Variants in FGF14 observed in about 807,000 individuals in gnomAD.
The protein encoded by FGF14 is fibroblast growth factor homologous factor 4.
In FGF14, 5 loss-of-function variants were observed where a neutral mutation model predicts 25.5. The ratio of observed to expected loss-of-function variants is 0.20; its 90% confidence interval spans 0.10 to 0.41. FGF14 has a LOEUF of 0.41. FGF14 is among the 10% of genes least tolerant of loss of function. The pLI is 1.00. For synonymous variants in FGF14, 138 were observed against 118.3 expected (o/e 1.17, Z -1.08); for missense variants, 222 against 320.1 (o/e 0.69, Z 2.34).
At chr13:101,961,841 A>G (rs1337105752) in intron 1 of FGF14, among the ~76,000 whole-genome samples, 1 of 152,210 alleles carries the variant, frequency 6.6e-6, no homozygotes, top group Admixed American at 6.5e-5. Context: ...CTGTGAGTCA[A>G]TTAAACCTCT....
intron 1 of FGF14, among the ~76,000 whole-genome samples, chr13:102,064,930 C>T (rs926947423): frequency 8.5e-5 from 13 of 152,050 alleles, no homozygotes; most frequent in African/African-American, 3.1e-4. Context: ...AAATCCCCCA[C>T]AGATACTGAG....
At chr13:101,876,284 T>G (rs564470318) in intron 1 of FGF14, among the ~76,000 whole-genome samples, 1 of 152,280 alleles carries the variant, frequency 6.6e-6, no homozygotes, top group African/African-American at 2.4e-5. Context: ...ATGTGGGACA[T>G]CATAATCTTC....
At chr13:102,214,027 C>T (rs1451206674) in intron 1 of FGF14, among the ~76,000 whole-genome samples, 1 of 152,180 alleles carries the variant, frequency 6.6e-6, no homozygotes, top group Non-Finnish European at 1.5e-5. Flanking sequence ...CAAGGTGGCC[C>T]CTCTCCTGAA....
rs112517362 is a variant in FGF14 at position 102,051,938 on chromosome 13, C to CT, written c.209-176643dup. On this transcript the variant is annotated intron_variant, in intron 1 of 4. Coordinates refer to the FGF14 transcript ENST00000376131. ...CAAAGAAATGGAGATATATTAAATG[C>CT]TTAAAAAAATTCACAATAATTGTTT... Among the ~76,000 whole-genome samples, 694 of 152,074 alleles carry CT rather than the reference C, an allele frequency of 4.6e-3. 8 individuals are homozygous for CT. The highest frequency in any genetic ancestry group is 0.016 in the African/African-American group (646 of 41,498).
rs148006557 is a variant in FGF14, at chr13:102,109,319, A to C, written c.209-234023T>G. 6.1e-3 allele frequency among the ~76,000 whole-genome samples: 924 copies of C among 152,314 alleles called. 21 individuals carry two copies. Among genetic ancestry groups the C allele is most frequent in the Admixed American group, 0.022 (335 of 15,294 alleles). On this transcript the variant is annotated intron_variant, in intron 1 of 4. Coordinates refer to the FGF14 transcript ENST00000376131. Reference sequence around the variant, plus strand: ...AAAGGATATGACATTTCAGGTAGACAGGAGGAATAAGTTCAACATATCCAT... The same window carrying C: ...AAAGGATATGACATTTCAGGTAGACCGGAGGAATAAGTTCAACATATCCAT...
At chr13:101,781,349 C>T (rs1250651429) in intron 3 of FGF14, among the ~76,000 whole-genome samples, 1 of 152,196 alleles carries the variant, frequency 6.6e-6, no homozygotes, top group Non-Finnish European at 1.5e-5. Flanking sequence ...CTCAGGAAGA[C>T]TGGATGTTGT....
At chr13:102,082,833 C>A in intron 1 of FGF14, among the ~76,000 whole-genome samples, 1 of 151,306 alleles carries the variant, frequency 6.6e-6, no homozygotes, top group South Asian at 2.1e-4. Flanking sequence ...TGGCGGGCGC[C>A]TGTAGTCCCA....
intron 3 of FGF14, among the ~76,000 whole-genome samples, chr13:101,852,381 C>A (rs1402374551): frequency 1.3e-5 from 2 of 152,112 alleles, no homozygotes; most frequent in Admixed American, 6.6e-5. Context: ...AAACAACCTT[C>A]TATACTGAAG....
At chr13:101,834,332 G>A (rs1274126740) in intron 3 of FGF14, among the ~76,000 whole-genome samples, 1 of 152,020 alleles carries the variant, frequency 6.6e-6, no homozygotes, top group Non-Finnish European at 1.5e-5. Context: ...CCTTGACTAT[G>A]TCTCATTTCA....
intron 1 of FGF14, among the ~76,000 whole-genome samples, chr13:102,220,296 G>C (rs1594459309): frequency 1.3e-5 from 2 of 152,146 alleles, no homozygotes; most frequent in South Asian, 4.1e-4. Flanking sequence ...GAATGGAAAT[G>C]AAAATGTCAT....
At chr13:102,173,861 G>A (rs1189779154) in intron 1 of FGF14, among the ~76,000 whole-genome samples, 1 of 151,978 alleles carries the variant, frequency 6.6e-6, no homozygotes, top group African/African-American at 2.4e-5. Flanking sequence ...TGGGTATGAA[G>A]TTTTAGTTAC....
intron 1 of FGF14, among the ~76,000 whole-genome samples, chr13:102,061,142 A>T (rs2042671349): frequency 6.6e-6 from 1 of 152,230 alleles, no homozygotes; most frequent in Non-Finnish European, 1.5e-5. Flanking sequence ...CCTTGCACTC[A>T]TTCTCCAAGC....
rs541988609 is a variant in FGF14, at chr13:102,008,361, G to A, written c.209-133065C>T. Among the ~76,000 whole-genome samples the A allele has an allele frequency of 2.9e-3, 449 of 152,254 alleles. 4 individuals carry two copies. Among genetic ancestry groups the A allele is most frequent in the African/African-American group, 0.01 (420 of 41,562 alleles). Reference sequence around the variant, plus strand: ...CCAAGTCACTCCACCTTTATTAAAAGTCATTTCTGTTGACTGTTCATTTGA... The same window carrying A: ...CCAAGTCACTCCACCTTTATTAAAAATCATTTCTGTTGACTGTTCATTTGA... On this transcript the variant is annotated intron_variant, in intron 1 of 4. Coordinates refer to the FGF14 transcript ENST00000376131.
At chr13:102,081,630 C>T (rs2043627610) in intron 1 of FGF14, among the ~76,000 whole-genome samples, 1 of 152,064 alleles carries the variant, frequency 6.6e-6, no homozygotes, top group Admixed American at 6.6e-5. Context: ...AATAGATACT[C>T]ATCCTCTGAC....
chr13:101,941,700 A>C (rs928567899), intron 1 of FGF14, among the ~76,000 whole-genome samples: 1 of 152,194 alleles, frequency 6.6e-6, no homozygotes, highest in African/African-American at 2.4e-5. Flanking sequence ...TTAGATTACA[A>C]AATGTGCTTC....
intron 1 of FGF14, among the ~76,000 whole-genome samples, chr13:102,230,852 A>C (rs1422287837): frequency 6.6e-6 from 1 of 152,208 alleles, no homozygotes; most frequent in Non-Finnish European, 1.5e-5. Context: ...TGAATGTATA[A>C]TTATAGATGG....
At chr13:102,305,004 G>A (rs1429255630) in intron 1 of FGF14, among the ~76,000 whole-genome samples, 1 of 152,048 alleles carries the variant, frequency 6.6e-6, no homozygotes, top group Non-Finnish European at 1.5e-5. Flanking sequence ...TTATTATGCA[G>A]CAAAAAATAA....
intron 1 of FGF14, among the ~76,000 whole-genome samples, chr13:102,313,133 G>A (rs942462940): frequency 6.6e-6 from 1 of 152,186 alleles, no homozygotes; most frequent in African/African-American, 2.4e-5. Flanking sequence ...GCCAAGCAAG[G>A]CCCCTCTGCA....
chr13:101,880,781 A>C (rs1243120306), intron 1 of FGF14, among the ~76,000 whole-genome samples: 1 of 152,164 alleles, frequency 6.6e-6, no homozygotes, highest in Non-Finnish European at 1.5e-5. Context: ...ATAACCTACC[A>C]CGGTGCTTGC....
Sources: gnomAD v4.1 joint callset for allele counts (sites outside exome capture counted in the v4.1 genomes callset) on GRCh38, gnomAD v4.1.1 for gene constraint, MANE v1.5 for transcripts, NCBI Gene and HGNC (gene_info 2026-07-23, HGNC 2026-07-21) for gene names.